Variants in KCNQ5 observed in about 807,000 individuals in gnomAD.
KCNQ5 encodes potassium voltage-gated channel subfamily KQT member 5.
A neutral mutation model predicts 98.2 loss-of-function variants in KCNQ5; 30 were observed. The ratio of observed to expected loss-of-function variants is 0.31; its 90% CI spans 0.23 to 0.41. The LOEUF is 0.41. Among genes scored for constraint, KCNQ5 ranks in the 10% least tolerant of loss-of-function variants. The pLI is 1.00. For synonymous variants in KCNQ5, 458 were observed against 449.4 expected (o/e 1.02, Z -0.24); for missense variants, 835 against 1,182.5 (o/e 0.71, Z 4.31).
chr6:73,089,382 A>G (rs1774137967), intron 5 of KCNQ5, among the ~76,000 whole-genome samples: 1 of 152,136 alleles, frequency 6.6e-6, no homozygotes, highest in Non-Finnish European at 1.5e-5. Flanking sequence ...TTATGAGAAA[A>G]TGACTGTTAT....
intron 1 of KCNQ5, among the ~76,000 whole-genome samples, chr6:72,875,908 C>T (rs1482233223): frequency 6.6e-6 from 1 of 151,920 alleles, no homozygotes; most frequent in African/African-American, 2.4e-5. Flanking sequence ...CCTCAGTTTA[C>T]ATTTCTATAT....
intron 3 of KCNQ5, among the ~76,000 whole-genome samples, chr6:73,062,946 T>A (rs1323678747): frequency 6.6e-6 from 1 of 152,220 alleles, no homozygotes; most frequent in Non-Finnish European, 1.5e-5. Context: ...CATTTGCCAT[T>A]GTGTGACTTA....
At chr6:73,095,130 T>C (rs1353275141) in intron 5 of KCNQ5, among the ~76,000 whole-genome samples, 1 of 152,218 alleles carries the variant, frequency 6.6e-6, no homozygotes, top group African/African-American at 2.4e-5. Flanking sequence ...CTTATTCTTT[T>C]TTCTTTGTCT....
intron 2 of KCNQ5, among the ~76,000 whole-genome samples, chr6:73,034,908 T>G (rs576953541): frequency 1.8e-4 from 26 of 148,022 alleles, no homozygotes; most frequent in South Asian, 1.1e-3. Context: ...TGCAGTGGCA[T>G]GATCTCGGCT....
At chr6:72,846,176 G>A (rs1356380810) in intron 1 of KCNQ5, among the ~76,000 whole-genome samples, 2 of 152,142 alleles carry the variant, frequency 1.3e-5, no homozygotes, top group African/African-American at 4.8e-5. Context: ...GTCAAAAAAT[G>A]AGACTTAAAA....
intron 1 of KCNQ5, among the ~76,000 whole-genome samples, chr6:72,726,140 C>T (rs1230015429): frequency 6.6e-6 from 1 of 151,330 alleles, no homozygotes; most frequent in Admixed American, 6.6e-5. Flanking sequence ...ATAACATGAG[C>T]CCTTACACTT....
At chr6:73,054,227 C>G (rs1041697862) in intron 3 of KCNQ5, among the ~76,000 whole-genome samples, 1 of 152,028 alleles carries the variant, frequency 6.6e-6, no homozygotes, top group Non-Finnish European at 1.5e-5. Flanking sequence ...AGAAAAAGCC[C>G]GGGACCAGAG....
intron 1 of KCNQ5, among the ~76,000 whole-genome samples, chr6:72,789,528 A>G (rs1190751633): frequency 2.0e-5 from 3 of 152,240 alleles, no homozygotes; most frequent in African/African-American, 7.2e-5. Context: ...TTTTCAGTTA[A>G]TTTAAATATA....
At chr6:73,112,413 T>C (rs1582380650) in intron 7 of KCNQ5, among the ~76,000 whole-genome samples, 1 of 151,366 alleles carries the variant, frequency 6.6e-6, no homozygotes, top group East Asian at 2.0e-4. Context: ...TGGTGCGATC[T>C]CGGCTCACTG....
chr6:72,934,169 T>C (rs1032303783), intron 1 of KCNQ5, among the ~76,000 whole-genome samples: 1 of 152,150 alleles, frequency 6.6e-6, no homozygotes, highest in Admixed American at 6.6e-5. Context: ...TCTGAGAAGG[T>C]AGCATTTGAA....
chr6:72,655,027 T>TCTTTC (rs1766084454), intron 1 of KCNQ5, among the ~76,000 whole-genome samples: 2 of 34,930 alleles, frequency 5.7e-5, no homozygotes, highest in South Asian at 9.3e-4. Context: ...GGTCTGTCTG[T>TCTTTC]CTTTCTTTCT....
chr6:73,055,562 A>T (rs2150369786), intron 3 of KCNQ5: 9 of 1,425,640 alleles, frequency 6.3e-6, no homozygotes, highest in Non-Finnish European at 8.9e-6. Context: ...TCTGAAGGAC[A>T]CTATTGCCAG....
At chr6:72,861,468 C>A (rs1251498868) in intron 1 of KCNQ5, among the ~76,000 whole-genome samples, 1 of 151,994 alleles carries the variant, frequency 6.6e-6, no homozygotes, top group African/African-American at 2.4e-5. Flanking sequence ...ATGAAATGGC[C>A]AAAGAAAGAA....
chr6:73,187,441 CTT>C (rs1765416129), intron 11 of KCNQ5, among the ~76,000 whole-genome samples: 1 of 147,874 alleles, frequency 6.8e-6, no homozygotes, highest in Non-Finnish European at 1.5e-5. Context: ...ACATACTCCT[CTT>C]TTCTAAATAA....
At chr6:72,811,381 G>T (rs1436724992) in intron 1 of KCNQ5, among the ~76,000 whole-genome samples, 1 of 152,076 alleles carries the variant, frequency 6.6e-6, no homozygotes, top group African/African-American at 2.4e-5. Flanking sequence ...AAATTATGAA[G>T]GTTCATTTGA....
At chr6:72,833,324 T>C (rs1368235377) in intron 1 of KCNQ5, among the ~76,000 whole-genome samples, 1 of 152,136 alleles carries the variant, frequency 6.6e-6, no homozygotes, top group Non-Finnish European at 1.5e-5. Flanking sequence ...TAAGCTAAAT[T>C]ATTAGCCACA....
At chr6:72,890,968 T>C (rs1779034891) in intron 1 of KCNQ5, among the ~76,000 whole-genome samples, 1 of 152,204 alleles carries the variant, frequency 6.6e-6, no homozygotes, top group South Asian at 2.1e-4. Context: ...TGTGGAAGAA[T>C]TTTGGGAAAT....
At chr6:72,891,489 T>C (rs1346825457) in intron 1 of KCNQ5, among the ~76,000 whole-genome samples, 1 of 152,160 alleles carries the variant, frequency 6.6e-6, no homozygotes, top group Non-Finnish European at 1.5e-5. Context: ...ACTATCACTA[T>C]TAACCATGGC....
chr6:73,103,488 G>C (rs1009375410), intron 5 of KCNQ5, among the ~76,000 whole-genome samples: 23 of 149,278 alleles, frequency 1.5e-4, no homozygotes, highest in Non-Finnish European at 2.9e-5. Context: ...CCTGTCATGG[G>C]GGGGGGGGAG....
Sources: gnomAD v4.1 joint callset for allele counts (sites outside exome capture counted in the v4.1 genomes callset) on GRCh38, gnomAD v4.1.1 for gene constraint, MANE v1.5 for transcripts, NCBI Gene and HGNC (gene_info 2026-07-23, HGNC 2026-07-21) for gene names.